SPAG16: variants seen among roughly 807,000 people sequenced by gnomAD.
SPAG16 encodes sperm-associated antigen 16 protein.
In SPAG16, 86 loss-of-function variants were observed where a neutral mutation model predicts 80.4. The ratio of observed to expected loss-of-function variants is 1.07; its 90% confidence interval spans 0.90 to 1.28. The LOEUF (loss-of-function observed/expected upper bound fraction) is 1.28, where lower values mean the gene tolerates loss of function less well. Ranked by LOEUF, SPAG16 falls within the 50% of genes most tolerant of loss-of-function variation. The pLI is 0.00. For synonymous variants in SPAG16, 294 were observed against 265.9 expected, an observed-to-expected ratio of 1.11 and a Z score of -1.03; for missense variants, 870 against 765.3, an observed-to-expected ratio of 1.14 and a Z score of -1.61.
intron 12 of SPAG16, among the ~76,000 whole-genome samples, chr2:213,970,463 G>A (rs1235520097): frequency 6.6e-6 from 1 of 151,892 alleles, no homozygotes; most frequent in African/African-American, 2.4e-5. Flanking sequence ...CACAACACCT[G>A]GCTAATTTTT....
chr2:213,837,045 A>G (rs2074126173), intron 10 of SPAG16, among the ~76,000 whole-genome samples: 1 of 152,172 alleles, frequency 6.6e-6, no homozygotes, highest in African/African-American at 2.4e-5. Context: ...TGAATTTATC[A>G]GAGACTCCTC....
At chr2:213,484,047 A>G (rs1159603845) in intron 9 of SPAG16, among the ~76,000 whole-genome samples, 1 of 152,174 alleles carries the variant, frequency 6.6e-6, no homozygotes, top group Non-Finnish European at 1.5e-5. Context: ...GAAGTTTCTA[A>G]GTGAATGTTT....
At chr2:213,508,716 A>G (rs879422364) in intron 10 of SPAG16, among the ~76,000 whole-genome samples, 92 of 152,214 alleles carry the variant, frequency 6.0e-4, no homozygotes, top group African/African-American at 1.9e-3. Flanking sequence ...GAATTGAACA[A>G]TGAGAACACA....
intron 15 of SPAG16, among the ~76,000 whole-genome samples, chr2:214,359,178 A>G (rs975928099): frequency 2.4e-4 from 36 of 151,902 alleles, no homozygotes; most frequent in African/African-American, 8.2e-4. Context: ...ACGTGTATCA[A>G]ATATAATCTT....
At chr2:213,384,008 G>A (rs555319959) in intron 9 of SPAG16, among the ~76,000 whole-genome samples, 1 of 152,176 alleles carries the variant, frequency 6.6e-6, no homozygotes, top group Non-Finnish European at 1.5e-5. Flanking sequence ...TTAATCTGCT[G>A]TTGCAAAGAT....
At chr2:213,857,788 G>T (rs1209091755) in intron 10 of SPAG16, among the ~76,000 whole-genome samples, 1 of 152,156 alleles carries the variant, frequency 6.6e-6, no homozygotes, top group Non-Finnish European at 1.5e-5. Flanking sequence ...TGATGGATCT[G>T]GGCAAAGTAA....
intron 4 of SPAG16, 26 bp downstream of exon 4, chr2:213,310,203 T>C: frequency 6.9e-7 from 1 of 1,448,974 alleles, no homozygotes; most frequent in Non-Finnish European, 9.6e-7. Context: ...GATAAATAGT[T>C]CTCTTAAAAT....
At chr2:213,826,551 C>T (rs966632071) in intron 10 of SPAG16, among the ~76,000 whole-genome samples, 2 of 151,808 alleles carry the variant, frequency 1.3e-5, no homozygotes, top group Non-Finnish European at 2.9e-5. Flanking sequence ...GTATAGTTTC[C>T]AATATTCTTC....
chr2:213,721,670 A>G (rs2195082), intron 10 of SPAG16, among the ~76,000 whole-genome samples: 141,208 of 152,008 alleles, frequency 0.93, 66,504 homozygotes, highest in East Asian at 1. Context: ...ATCATACTGC[A>G]TGTGTATTTT....
chr2:214,216,388 C>A, intron 15 of SPAG16, among the ~76,000 whole-genome samples: 1 of 152,154 alleles, frequency 6.6e-6, no homozygotes, highest in Non-Finnish European at 1.5e-5. Context: ...GTGGCACGAT[C>A]TCAGCTCACT....
At chr2:213,481,029 A>G (rs1386815959) in intron 9 of SPAG16, among the ~76,000 whole-genome samples, 2 of 152,218 alleles carry the variant, frequency 1.3e-5, no homozygotes, top group South Asian at 4.1e-4. Flanking sequence ...AAGCCCGCCA[A>G]CTAAAGAATA....
At chr2:214,366,325 T>A (rs1576896071) in intron 15 of SPAG16, among the ~76,000 whole-genome samples, 2 of 152,150 alleles carry the variant, frequency 1.3e-5, no homozygotes, top group Admixed American at 6.6e-5. Context: ...TGTGCATGAC[T>A]GATACTGTGA....
chr2:214,408,818 C>T (rs920521209), intron 15 of SPAG16, among the ~76,000 whole-genome samples: 13 of 152,234 alleles, frequency 8.5e-5, no homozygotes, highest in African/African-American at 3.1e-4. Flanking sequence ...ATGCTAGCTC[C>T]TTCTATACCT....
intron 9 of SPAG16, among the ~76,000 whole-genome samples, chr2:213,450,963 T>C (rs2071649801): frequency 6.6e-6 from 1 of 152,200 alleles, no homozygotes; most frequent in Non-Finnish European, 1.5e-5. Context: ...AATTAAAACC[T>C]GAAGCAAAAT....
At chr2:213,868,039 C>G (rs2075774518) in intron 11 of SPAG16, among the ~76,000 whole-genome samples, 1 of 151,604 alleles carries the variant, frequency 6.6e-6, no homozygotes, top group Non-Finnish European at 1.5e-5. Flanking sequence ...ATACCAAACT[C>G]TGTTGGAAAA....
At chr2:214,251,704 G>A (rs140383028) in intron 15 of SPAG16, among the ~76,000 whole-genome samples, 8 of 152,192 alleles carry the variant, frequency 5.3e-5, no homozygotes, top group South Asian at 4.1e-4. Flanking sequence ...TCCAAGAAAC[G>A]TACTCCTATA....
chr2:213,477,496 A>T (rs2073477807), intron 9 of SPAG16, among the ~76,000 whole-genome samples: 1 of 152,230 alleles, frequency 6.6e-6, no homozygotes, highest in South Asian at 2.1e-4. Context: ...AGCCCATCTC[A>T]TGCATCAGCA....
At chr2:214,332,533 G>T (rs933243768) in intron 15 of SPAG16, among the ~76,000 whole-genome samples, 2 of 152,070 alleles carry the variant, frequency 1.3e-5, no homozygotes, top group African/African-American at 4.8e-5. Flanking sequence ...ACAACACAGT[G>T]GTTCCATATC....
chr2:214,228,353 T>A (rs901858069), intron 15 of SPAG16, among the ~76,000 whole-genome samples: 2 of 151,978 alleles, frequency 1.3e-5, no homozygotes, highest in African/African-American at 4.8e-5. Flanking sequence ...ATATCACAGC[T>A]GATCAAGTAA....
Sources: allele counts gnomAD v4.1 joint callset (sites outside exome capture counted in the v4.1 genomes callset), GRCh38; gene constraint gnomAD v4.1.1; transcripts MANE v1.5; gene names NCBI Gene and HGNC (gene_info 2026-07-23, HGNC 2026-07-21).